The following MARCHF10 variants were observed in gnomAD, a reference collection of about 807,000 sequenced individuals.
MARCHF10 encodes the protein membrane associated ring-CH-type finger 10, also known as probable E3 ubiquitin-protein ligase MARCHF10.
Under a neutral mutation model 76.2 loss-of-function variants are expected in MARCHF10, and 64 were observed. The observed-to-expected ratio is 0.84, with a 90% CI of 0.69 to 1.03. The LOEUF (loss-of-function observed/expected upper bound fraction) is 1.03, where lower values mean the gene tolerates loss of function less well. Ranked by LOEUF, MARCHF10 falls within the 50% of genes least tolerant of loss-of-function variation. The pLI, the probability that MARCHF10 is intolerant of heterozygous loss-of-function variation, is 0.00. For missense variants in MARCHF10, 875 were observed against 958.0 expected, an observed-to-expected ratio of 0.91 and a Z score of 1.14; for synonymous variants, 340 against 357.5, an observed-to-expected ratio of 0.95 and a Z score of 0.55.
At chr17:62,807,843 G>A (rs1001653050) in intron 1 of MARCHF10, among the ~76,000 whole-genome samples, 1 of 152,184 alleles carries the variant, frequency 6.6e-6, no homozygotes, top group Non-Finnish European at 1.5e-5. Flanking sequence ...TTTCTGACCA[G>A]TGGCGTCTGC....
chr17:62,761,607 A>AGACG (rs1160032937), intron 3 of MARCHF10, among the ~76,000 whole-genome samples: 1 of 151,986 alleles, frequency 6.6e-6, no homozygotes, highest in Non-Finnish European at 1.5e-5. Context: ...TTTTTAGTAG[A>AGACG]GACGGGGTTT....
chr17:62,737,184 C>T lies in MARCHF10; in HGVS notation c.684G>A (p.Gln228=). The change falls in exon 6 of 11, where the codon CAG becomes CAA. Residue 228 remains glutamine, a synonymous_variant. Transcript: ENST00000311269. ...AKKGDPSAPS[Q]SELHPALSQA... ...GGGACAGGGCTGGATGCAGCTCACT[C>T]TGGGAAGGAGCACTCGGGTCTCCTT... 6.2e-7 allele frequency: 1 copy of T among 1,614,088 alleles called. No individual in the cohort carries two copies.
At chr17:62,764,586 G>T (rs756189490) in intron 3 of MARCHF10, among the ~76,000 whole-genome samples, 1 of 145,584 alleles carries the variant, frequency 6.9e-6, no homozygotes, top group Non-Finnish European at 1.5e-5. Flanking sequence ...TGGGAAGGTC[G>T]ATCAAGGGAC....
chr17:62,764,294 T>A (rs150587238), intron 3 of MARCHF10, among the ~76,000 whole-genome samples: 292 of 152,286 alleles, frequency 1.9e-3, no homozygotes, highest in Admixed American at 3.3e-3. Context: ...AACTGGTTCT[T>A]AACTGATATG....
At chr17:62,704,110 C>T (rs1186446240) in intron 10 of MARCHF10, among the ~76,000 whole-genome samples, 1 of 151,612 alleles carries the variant, frequency 6.6e-6, no homozygotes, top group Non-Finnish European at 1.5e-5. Context: ...CTGGACGGAG[C>T]GCGGGGCCGC....
At chr17:62,798,666 A>G (rs1205055952) in intron 2 of MARCHF10, among the ~76,000 whole-genome samples, 3 of 152,116 alleles carry the variant, frequency 2.0e-5, no homozygotes, top group Non-Finnish European at 4.4e-5. Context: ...ACAGAAATGG[A>G]GCTGGCTGTT....
At chr17:62,717,804 T>C (rs2090291007) in intron 8 of MARCHF10, among the ~76,000 whole-genome samples, 1 of 152,230 alleles carries the variant, frequency 6.6e-6, no homozygotes, top group Admixed American at 6.5e-5. Flanking sequence ...TTCTGCGTTC[T>C]TCACTTGCCC....
At chr17:62,760,551 A>C (rs551096943) in intron 3 of MARCHF10, among the ~76,000 whole-genome samples, 1 of 152,356 alleles carries the variant, frequency 6.6e-6, no homozygotes, top group South Asian at 2.1e-4. Flanking sequence ...TCTATAAAGA[A>C]GTCAGTATAA....
chr17:62,758,023 T>G (rs1252425442), intron 4 of MARCHF10, among the ~76,000 whole-genome samples: 1 of 152,218 alleles, frequency 6.6e-6, no homozygotes, highest in Non-Finnish European at 1.5e-5. Flanking sequence ...TTCTCCACGA[T>G]GACAAGGCAC....
rs146555930 is a variant in MARCHF10 at position 62,711,894 on chromosome 17, G to A, written c.2215-550C>T. On this transcript the variant is annotated intron_variant, in intron 8 of 10. Coordinates refer to ENST00000311269, the MANE Select transcript of MARCHF10 (RefSeq NM_152598.4). This position sits in a 1 kb window ranked among gnomAD's most constrained non-coding sequence, Gnocchi z 4.4. ...TTTGCTTCCCAGTCCCTAAGCATTC[G>A]TCTTGATCTTGCATATCACCTTTTG... Among the ~76,000 whole-genome samples, 68 of 152,212 alleles carry A rather than the reference G, an allele frequency of 4.5e-4. No homozygotes were observed. Among genetic ancestry groups the A allele is most frequent in the Admixed American group, 4.1e-3 (63 of 15,292 alleles).
chr17:62,726,008 CTTAAT>C (rs1160001691), intron 6 of MARCHF10: 2 of 152,194 alleles, frequency 1.3e-5, no homozygotes, highest in African/African-American at 4.8e-5. Flanking sequence ...ACAGAGTTCA[CTTAAT>C]AGATGTTGGT....
In MARCHF10 at chr17:62,711,224, G is replaced by C. The variant is rs1455189744; in HGVS notation, c.2328+7C>G. The C allele has an allele frequency of 2.5e-6, 4 of 1,613,024 alleles. No homozygotes were observed. Among genetic ancestry groups the C allele is most frequent in the Non-Finnish European group, 3.4e-6 (4 of 1,179,164 alleles). ...ACCGGACAGCTCTGGGTCACAGCCA[G>C]ACTTACCCTCTCTCTTTCCACCTGG... On this transcript the variant is annotated splice_region_variant and intron_variant, in intron 9 of 10. Transcript: ENST00000311269. This position sits in a 1 kb window ranked among gnomAD's most constrained non-coding sequence, Gnocchi z 4.4.
intron 10 of MARCHF10, among the ~76,000 whole-genome samples, chr17:62,702,831 T>C (rs923702381): frequency 6.6e-6 from 1 of 152,186 alleles, no homozygotes; most frequent in Non-Finnish European, 1.5e-5. Context: ...GCTGCCCCCA[T>C]CCCCTCGTCC....
At chr17:62,704,648 T>A (rs1468949016) in intron 10 of MARCHF10, among the ~76,000 whole-genome samples, 6 of 152,198 alleles carry the variant, frequency 3.9e-5, no homozygotes. Flanking sequence ...CTGGGTCCGG[T>A]GTGAACACGA....
chr17:62,769,765 T>C (rs1197320956), intron 3 of MARCHF10, among the ~76,000 whole-genome samples: 2 of 152,344 alleles, frequency 1.3e-5, no homozygotes, highest in South Asian at 4.1e-4. Flanking sequence ...TCTAAAGAAG[T>C]ATTTTCTTCC....
intron 2 of MARCHF10, among the ~76,000 whole-genome samples, chr17:62,788,987 C>T (rs902290761): frequency 1.5e-5 from 2 of 132,056 alleles, no homozygotes; most frequent in Non-Finnish European, 3.1e-5. Flanking sequence ...GGCGTGAACC[C>T]GGGAAGCGGA....
At chr17:62,751,778 T>C (rs2091903677) in intron 4 of MARCHF10, among the ~76,000 whole-genome samples, 1 of 152,156 alleles carries the variant, frequency 6.6e-6, no homozygotes, top group Admixed American at 6.5e-5. Flanking sequence ...CCCAGCACTT[T>C]GGGAGACCGA....
At chr17:62,754,882 G>T (rs11079483) in intron 4 of MARCHF10, among the ~76,000 whole-genome samples, 78,601 of 151,988 alleles carry the variant, frequency 0.52, 21,406 homozygotes, top group East Asian at 0.7. Flanking sequence ...TCAGAAGAAT[G>T]TATTTGCAAG....
At chr17:62,777,728 G>GAAAAAAAAAAA (rs60003248) in intron 3 of MARCHF10, among the ~76,000 whole-genome samples, 1 of 127,374 alleles carries the variant, frequency 7.9e-6, no homozygotes, top group African/African-American at 2.8e-5. Flanking sequence ...AAAAAAAAAA[G>GAAAAAAAAAAA]AAAAAAAAAA....
Sources: allele counts gnomAD v4.1 joint callset (sites outside exome capture counted in the v4.1 genomes callset), GRCh38; gene constraint gnomAD v4.1.1; non-coding constraint Gnocchi (gnomAD v3.1); transcripts MANE v1.5; gene names NCBI Gene and HGNC (gene_info 2026-07-23, HGNC 2026-07-21).